The following ANGPTL3 variants were observed in gnomAD, a reference collection of about 807,000 sequenced individuals.
The protein encoded by ANGPTL3 is angiopoietin like 3, also known as angiopoietin-related protein 3.
ANGPTL3 carries 51 observed loss-of-function variants against 52.7 expected under a neutral mutation model. The observed-to-expected ratio is 0.97, with a 90% CI of 0.77 to 1.22. ANGPTL3 has a LOEUF of 1.22. ANGPTL3 is among the 50% of genes most tolerant of loss of function. The pLI, the probability that ANGPTL3 is intolerant of heterozygous loss-of-function variation, is 0.00. For synonymous variants in ANGPTL3, 185 were observed against 179.8 expected (o/e 1.03, Z -0.23); for missense variants, 506 against 520.7 (o/e 0.97, Z 0.27).
Position 62,597,682 on chromosome 1 carries a change from T to C in ANGPTL3, c.116T>C (p.Met39Thr), listed in dbSNP as rs1336207471. 5 of 1,613,484 alleles carry C rather than the reference T, an allele frequency of 3.1e-6. No individual in the cohort carries two copies. The highest frequency in any genetic ancestry group is 1.3e-5 in the African/African-American group (1 of 74,904). Reference sequence around the variant, plus strand: ...CCAGAGCCAAAATCAAGATTTGCTATGTTAGACGATGTAAAAATTTTAGCC... The same window carrying C: ...CCAGAGCCAAAATCAAGATTTGCTACGTTAGACGATGTAAAAATTTTAGCC... The part of the protein sequence containing the change: ...LSPEPKSRFA[M>T]LDDVKILANG... The change falls in exon 1 of 7, where the codon ATG (methionine) becomes ACG (threonine). Residue 39 changes from methionine to threonine, a missense_variant. Coordinates refer to ENST00000371129, the MANE Select transcript of ANGPTL3 (RefSeq NM_014495.4).
chr1:62,599,018 CT>C (rs930291646), intron 2 of ANGPTL3, among the ~76,000 whole-genome samples: 43 of 152,168 alleles, frequency 2.8e-4, no homozygotes, highest in African/African-American at 7.9e-4. Context: ...TACTTCACCC[CT>C]TTATCTCTCA....
At chr1:62,600,971 T>C in intron 2 of ANGPTL3, 111 bp from the exon 3 acceptor site, 1 of 714,022 alleles carries the variant, frequency 1.4e-6, no homozygotes, top group Non-Finnish European at 2.6e-6. Flanking sequence ...CAAACACCGT[T>C]ATAACATTAT....
At position 62,604,658 on chromosome 1, in the gene ANGPTL3, T is replaced by C; in HGVS notation, c.1224T>C (p.Cys408=). ...GAGGCTGGTGGTGGCATGATGAGTG[T>C]GGAGAAAACAACCTAAATGGTAAAT... ...YSGGWWWHDE[C]GENNLNGKYN... is the part of the protein sequence containing the mutation. Residue 408 remains cysteine (C), a synonymous_variant, in exon 7 of 7, where the codon TGT becomes TGC. Transcript: ENST00000371129. The C allele has an allele frequency of 6.2e-7, 1 of 1,613,192 alleles. No individual in the cohort carries two copies.
At position 62,604,885 on chromosome 1, in the gene ANGPTL3, T is replaced by C. The variant is rs1650742306; in HGVS notation, c.*68T>C. On this transcript the variant is annotated 3_prime_UTR_variant, in exon 7 of 7. Transcript: ENST00000371129. ...ATTCCAAGTTAATGTGGTCTAATAA[T>C]CTGGTATTAAATCCTTAAGAGAAAG... 6 of 1,494,154 alleles carry C rather than the reference T, an allele frequency of 4.0e-6. No homozygotes were observed. In the South Asian group the frequency reaches 6.9e-5, roughly 17 times the overall value. 92.6% of individuals were successfully genotyped at this position (1,494,154 alleles called of 1,614,324 possible). A position where few individuals can be genotyped will look rare whatever the true frequency, so the allele number is the denominator to read the frequency against.
chr1:62,601,901 G>C lies in ANGPTL3; in HGVS notation c.835+19G>C. ...ATATCAGGTAAAACCTGTCTAAGGA[G>C]AATAGACAGTAGTTAGTTCAACTTA... On this transcript the variant is annotated intron_variant, in intron 4 of 6. Transcript: ENST00000371129. 2 of 1,495,322 alleles carry C rather than the reference G, an allele frequency of 1.3e-6. No homozygotes were observed. The highest frequency in any genetic ancestry group is 1.9e-6 in the Non-Finnish European group (2 of 1,074,106). The allele number at this position is 1,495,322 out of a possible 1,614,324, so 92.6% of individuals were successfully genotyped here. A position where few individuals can be genotyped will look rare whatever the true frequency, so the allele number is the denominator to read the frequency against.
chr1:62,598,800 A>G lies in ANGPTL3; in HGVS notation c.600A>G (p.Glu200=). 2.5e-6 allele frequency: 4 copies of G among 1,577,984 alleles called. No homozygotes were observed. Among genetic ancestry groups the G allele is most frequent in the Non-Finnish European group, 3.5e-6 (4 of 1,147,854 alleles). Residue 200 remains glutamate, a synonymous_variant, in exon 2 of 7, where the codon GAA becomes GAG. Transcript: ENST00000371129. The part of the protein sequence containing the change: ...NQQHSQIKEI[E]NQLRRTSIQE... Reference sequence around the variant, plus strand: ...AGCATAGTCAAATAAAAGAAATAGAAAATCAGGTAAGTCAGTATTTTAATG... The same window carrying G: ...AGCATAGTCAAATAAAAGAAATAGAGAATCAGGTAAGTCAGTATTTTAATG...
In ANGPTL3 at chr1:62,604,051, G is replaced by C. The variant is rs753849210; in HGVS notation, c.1014G>C (p.Trp338Cys). 13 of 1,613,104 alleles carry C rather than the reference G, an allele frequency of 8.1e-6. No homozygotes were observed. In the East Asian group the frequency reaches 2.5e-4, roughly 30 times the overall value. The stretch of plus-strand genomic sequence containing the variant: ...TTTTACGAATTGAGTTGGAAGACTG[G>C]AAAGACAACAAACATTATATTGAAT... Reference protein sequence around the residue: ...NYVLRIELEDWKDNKHYIEYS... With the variant: ...NYVLRIELEDCKDNKHYIEYS... The change falls in exon 6 of 7, where the codon TGG becomes TGC. Residue 338 changes from tryptophan (W) to cysteine (C), a missense_variant. Coordinates refer to ENST00000371129, the MANE Select transcript of ANGPTL3 (RefSeq NM_014495.4).
At chr1:62,604,572 T>C in intron 6 of ANGPTL3, 61 bp from the exon 7 acceptor site, 1 of 1,511,890 alleles carries the variant, frequency 6.6e-7, no homozygotes, top group South Asian at 1.1e-5. Context: ...TACGGGGAAA[T>C]ACAGTAACAG....
chr1:62,597,622 T>C lies in ANGPTL3; in HGVS notation c.56T>C (p.Ile19Thr). 1.9e-6 allele frequency: 3 copies of C among 1,613,032 alleles called. No homozygotes were observed. The highest frequency in any genetic ancestry group is 2.5e-6 in the Non-Finnish European group (3 of 1,179,320). ...GTTCCTCTAGTTATTTCCTCCAGAATTGATCAAGACAATTCATCATTTGAT... is the reference window on the plus strand; with the variant it reads ...GTTCCTCTAGTTATTTCCTCCAGAACTGATCAAGACAATTCATCATTTGAT... ...FIVPLVISSR[I>T]DQDNSSFDSL... is the part of the protein sequence containing the mutation. Residue 19 changes from isoleucine to threonine, a missense_variant, in exon 1 of 7, where the codon ATT becomes ACT. By Grantham distance (89) the Ile-to-Thr change is moderately conservative (BLOSUM62 -1). Coordinates refer to ENST00000371129, the MANE Select transcript of ANGPTL3 (RefSeq NM_014495.4).
At chr1:62,599,486 C>T (rs1649796124) in intron 2 of ANGPTL3, among the ~76,000 whole-genome samples, 1 of 152,012 alleles carries the variant, frequency 6.6e-6, no homozygotes, top group Non-Finnish European at 1.5e-5. Flanking sequence ...CTTCTACTTC[C>T]TTAGCTACTT....
intron 5 of ANGPTL3, among the ~76,000 whole-genome samples, chr1:62,603,458 A>AT (rs1650460774): frequency 6.6e-6 from 1 of 151,786 alleles, no homozygotes; most frequent in East Asian, 1.9e-4. Context: ...ATTTAAAATG[A>AT]TTTTTTAAAT....
intron 2 of ANGPTL3, among the ~76,000 whole-genome samples, chr1:62,600,495 C>G (rs1557780861): frequency 6.6e-6 from 1 of 151,744 alleles, no homozygotes; most frequent in Non-Finnish European, 1.5e-5. Context: ...GAAAAACTAT[C>G]ATTCAATAAA....
chr1:62,597,972 CAAA>C lies in ANGPTL3; in HGVS notation c.409_411del (p.Lys137del). ...CCTAGAAGAAAAAATTCTACTTCAACAAAAAGTGAAATATTTAGAAGAGCAACT... is the reference window on the plus strand; with the variant it reads ...CCTAGAAGAAAAAATTCTACTTCAACAAGTGAAATATTTAGAAGAGCAACT... On this transcript the variant is annotated inframe_deletion, in exon 1 of 7. Coordinates refer to ENST00000371129, the MANE Select transcript of ANGPTL3 (RefSeq NM_014495.4). The C allele has an allele frequency of 6.4e-7, 1 of 1,557,418 alleles. No homozygotes were observed.
At position 62,604,616 on chromosome 1, in the gene ANGPTL3, A is replaced by T; in HGVS notation, c.1199-17A>T. ...TACGAGTCTGTACCCATTAAATTGC[A>T]TATCTATCTCCTTTAGGAGGCTGGT... is the stretch of plus-strand genomic sequence containing the variant. On this transcript the variant is annotated splice_polypyrimidine_tract_variant and intron_variant, in intron 6 of 6. Transcript: ENST00000371129. 2 of 1,611,698 alleles carry T rather than the reference A, an allele frequency of 1.2e-6. No individual in the cohort carries two copies. The highest frequency in any genetic ancestry group is 2.2e-5 in the South Asian group (2 of 91,034).
intron 4 of ANGPTL3, 47 bp downstream of exon 4, chr1:62,601,929 C>A: frequency 2.5e-6 from 3 of 1,178,798 alleles, no homozygotes; most frequent in South Asian, 2.4e-5. Flanking sequence ...TCAACTTACT[C>A]ATTACGTATT....
intron 2 of ANGPTL3, among the ~76,000 whole-genome samples, chr1:62,600,598 C>T (rs1649967567): frequency 6.6e-6 from 1 of 151,722 alleles, no homozygotes; most frequent in Non-Finnish European, 1.5e-5. Flanking sequence ...AACAAACTTG[C>T]CAACCTGCCA....
At chr1:62,601,952 C>A in intron 4 of ANGPTL3, 70 bp downstream of exon 4, 1 of 926,740 alleles carries the variant, frequency 1.1e-6, no homozygotes, top group Non-Finnish European at 1.8e-6. Flanking sequence ...GAAGATTAAC[C>A]TGGTTATCAT....
At position 62,604,893 on chromosome 1, in the gene ANGPTL3, T is replaced by A; in HGVS notation, c.*76T>A. ...TTAATGTGGTCTAATAATCTGGTAT[T>A]AAATCCTTAAGAGAAAGCTTGAGAA... is the stretch of plus-strand genomic sequence containing the variant. On this transcript the variant is annotated 3_prime_UTR_variant, in exon 7 of 7. Coordinates refer to ENST00000371129, the MANE Select transcript of ANGPTL3 (RefSeq NM_014495.4). The A allele has an allele frequency of 6.8e-7, 1 of 1,464,260 alleles. No homozygotes were observed. The highest frequency in any genetic ancestry group is 1.2e-5 in the South Asian group (1 of 86,110). The allele number at this position is 1,464,260 out of a possible 1,614,324, so 90.7% of individuals were successfully genotyped here. A position where few individuals can be genotyped will look rare whatever the true frequency, so the allele number is the denominator to read the frequency against.
chr1:62,599,592 G>A (rs1361193947), intron 2 of ANGPTL3, among the ~76,000 whole-genome samples: 2 of 151,844 alleles, frequency 1.3e-5, no homozygotes, highest in African/African-American at 4.8e-5. Flanking sequence ...TGAATACAGG[G>A]ATTTTTTCCA....
Sources: allele counts gnomAD v4.1 joint callset (sites outside exome capture counted in the v4.1 genomes callset), GRCh38; gene constraint gnomAD v4.1.1; transcripts MANE v1.5; gene names NCBI Gene and HGNC (gene_info 2026-07-23, HGNC 2026-07-21).